RORA: variants seen among roughly 807,000 people sequenced by gnomAD.
RORA encodes nuclear receptor ROR-alpha.
A neutral mutation model predicts 69.5 loss-of-function variants in RORA; 7 were observed. The ratio of observed to expected loss-of-function variants is 0.10; its 90% confidence interval spans 0.06 to 0.19. RORA has a LOEUF of 0.19. Among genes scored for constraint, RORA ranks in the 10% least tolerant of loss-of-function variants. The pLI is 1.00. For missense variants in RORA, 457 were observed against 663.0 expected (o/e 0.69, Z 3.41); for synonymous variants, 261 against 240.8 (o/e 1.08, Z -0.78).
intron 1 of RORA, among the ~76,000 whole-genome samples, chr15:60,754,141 C>T (rs954649756): frequency 6.6e-6 from 1 of 152,146 alleles, no homozygotes; most frequent in African/African-American, 2.4e-5. Context: ...TAATGGCATC[C>T]CTTTTTGGGT....
rs954243446 is a variant in RORA, at chr15:60,531,603, T to C, written c.282+163A>G. On this transcript the variant is annotated intron_variant, in intron 3 of 10. Transcript: ENST00000335670. This position sits in a 1 kb window ranked among gnomAD's most constrained non-coding sequence, Gnocchi z 4.8. ...GGAAGGAGTAAAAATATATATAACT[T>C]CTTTAATTGTAATTTAACACCAAAA... The C allele has an allele frequency of 1.8e-6, 1 of 546,418 alleles. No homozygotes were observed. Among genetic ancestry groups the C allele is most frequent in the South Asian group, 2.8e-5 (1 of 35,576 alleles). The allele number at this position is 546,418 out of a possible 1,614,324, so 33.8% of individuals were successfully genotyped here.
At chr15:60,814,939 T>C (rs1382673093) in intron 1 of RORA, among the ~76,000 whole-genome samples, 1 of 152,182 alleles carries the variant, frequency 6.6e-6, no homozygotes, top group Non-Finnish European at 1.5e-5. Flanking sequence ...TTCTCAACCC[T>C]GTAGGTTTAT....
intron 10 of RORA, among the ~76,000 whole-genome samples, chr15:60,499,232 C>T (rs998841502): frequency 3.9e-5 from 6 of 152,018 alleles, no homozygotes; most frequent in African/African-American, 1.5e-4. Flanking sequence ...TAACTTCTTC[C>T]TAAATTCAAA....
At position 61,070,811 on chromosome 15, in the gene RORA, T is replaced by G. The variant is rs148614515; in HGVS notation, c.166+158242A>C. ...TTCATACTCTTTTCAAAAACCATAT[T>G]TACTACATTATGCTTGACACAGGTT... On this transcript the variant is annotated intron_variant, in intron 1 of 10. Coordinates refer to ENST00000335670, the MANE Select transcript of RORA (RefSeq NM_134261.3). 2.5e-3 allele frequency among the ~76,000 whole-genome samples: 384 copies of G among 152,268 alleles called. 5 individuals carry two copies. The highest frequency in any genetic ancestry group is 0.021 in the East Asian group (106 of 5,158).
intron 1 of RORA, among the ~76,000 whole-genome samples, chr15:61,207,478 C>T (rs2079953193): frequency 6.6e-6 from 1 of 152,192 alleles, no homozygotes; most frequent in Non-Finnish European, 1.5e-5. Context: ...AAGTGCACAT[C>T]GTGGTTTCAC....
At chr15:60,644,733 G>T (rs1259585975) in intron 2 of RORA, among the ~76,000 whole-genome samples, 1 of 152,086 alleles carries the variant, frequency 6.6e-6, no homozygotes, top group Non-Finnish European at 1.5e-5. Flanking sequence ...GTGTTCTGTG[G>T]CTGGTGTGTG....
intron 2 of RORA, chr15:60,592,501 G>A: frequency 7.6e-7 from 1 of 1,322,000 alleles, no homozygotes; most frequent in Non-Finnish European, 9.7e-7. Flanking sequence ...GCCGCCGCCC[G>A]AGCCACAGCA....
intron 1 of RORA, among the ~76,000 whole-genome samples, chr15:60,744,191 G>T (rs547245470): frequency 1.3e-5 from 2 of 151,942 alleles, no homozygotes; most frequent in Non-Finnish European, 2.9e-5. Flanking sequence ...AAAATCTGCC[G>T]TAAGCTGTGG....
At chr15:60,931,037 A>G (rs1321815672) in intron 1 of RORA, among the ~76,000 whole-genome samples, 1 of 152,190 alleles carries the variant, frequency 6.6e-6, no homozygotes, top group Non-Finnish European at 1.5e-5. Context: ...TACCCCTTAA[A>G]TGTGTATTTT....
chr15:60,634,399 CTT>C (rs10604472), intron 2 of RORA, among the ~76,000 whole-genome samples: 14,250 of 142,610 alleles, frequency 0.1, 1,202 homozygotes, highest in African/African-American at 0.24. Flanking sequence ...AGTGCTACCA[CTT>C]TTTTTTTTTT....
chr15:60,683,377 C>G (rs924051769), intron 1 of RORA, among the ~76,000 whole-genome samples: 1 of 152,178 alleles, frequency 6.6e-6, no homozygotes, highest in Non-Finnish European at 1.5e-5. Context: ...TCTAAGCTAT[C>G]AAGCCAAACC....
intron 2 of RORA, among the ~76,000 whole-genome samples, chr15:60,618,310 A>G (rs2069309597): frequency 6.6e-6 from 1 of 152,214 alleles, no homozygotes; most frequent in Non-Finnish European, 1.5e-5. Flanking sequence ...AACCTCTGCT[A>G]CATTGCTCTC....
At chr15:60,771,364 T>C (rs2072071428) in intron 1 of RORA, among the ~76,000 whole-genome samples, 1 of 152,244 alleles carries the variant, frequency 6.6e-6, no homozygotes, top group Non-Finnish European at 1.5e-5. Flanking sequence ...GGCCCATTCA[T>C]TGGTACATCT....
At chr15:60,865,715 C>A (rs1354006073) in intron 1 of RORA, among the ~76,000 whole-genome samples, 4 of 152,202 alleles carry the variant, frequency 2.6e-5, no homozygotes, top group African/African-American at 4.8e-5. Flanking sequence ...GCCAACCCTT[C>A]CTGGAAACAG....
At chr15:60,575,457 CA>C (rs1750271686) in intron 2 of RORA, among the ~76,000 whole-genome samples, 1 of 151,852 alleles carries the variant, frequency 6.6e-6, no homozygotes, top group African/African-American at 2.4e-5. Flanking sequence ...TGAGAATAAA[CA>C]AAATGTTTAG....
chr15:60,671,238 A>T (rs1422030033), intron 2 of RORA, among the ~76,000 whole-genome samples: 2 of 151,984 alleles, frequency 1.3e-5, no homozygotes, highest in Admixed American at 1.3e-4. Flanking sequence ...CTAACAAAAA[A>T]GTATAAATTT....
rs577308301 is a variant in RORA at position 60,879,697 on chromosome 15, T to C, written c.167-201011A>G. Reference sequence around the variant, plus strand: ...AAGTGGCACCAATGGAGATCAGACATCAGAGGATATCAATGAAATTTATGT... The same window carrying C: ...AAGTGGCACCAATGGAGATCAGACACCAGAGGATATCAATGAAATTTATGT... On this transcript the variant is annotated intron_variant, in intron 1 of 10. Transcript: ENST00000335670. Among the ~76,000 whole-genome samples the C allele has an allele frequency of 5.4e-4, 82 of 152,322 alleles. 1 individual carries two copies. Among genetic ancestry groups the C allele is most frequent in the Non-Finnish European group, 1.0e-3 (70 of 68,034 alleles).
At chr15:61,072,261 T>C (rs2078378471) in intron 1 of RORA, among the ~76,000 whole-genome samples, 1 of 152,162 alleles carries the variant, frequency 6.6e-6, no homozygotes, top group African/African-American at 2.4e-5. Flanking sequence ...TACCTGTATA[T>C]GCCCCCTCTT....
chr15:61,153,877 T>A (rs1047487692), intron 1 of RORA, among the ~76,000 whole-genome samples: 30 of 152,222 alleles, frequency 2.0e-4, no homozygotes, highest in Non-Finnish European at 3.8e-4. Context: ...GCAGCCATTA[T>A]CATTCATGCT....
Sources: allele counts gnomAD v4.1 joint callset (sites outside exome capture counted in the v4.1 genomes callset), GRCh38; gene constraint gnomAD v4.1.1; non-coding constraint Gnocchi (gnomAD v3.1); transcripts MANE v1.5; gene names NCBI Gene and HGNC (gene_info 2026-07-23, HGNC 2026-07-21).